Variants in NRG1 observed in about 807,000 individuals in gnomAD.
The protein encoded by NRG1 is pro-neuregulin-1, membrane-bound isoform.
A neutral mutation model predicts 63.8 loss-of-function variants in NRG1; 18 were observed. That is an observed-to-expected ratio of 0.28 (90% CI 0.19 to 0.42). The LOEUF is 0.42. Among genes scored for constraint, NRG1 ranks in the 10% least tolerant of loss-of-function variants. NRG1 has a pLI of 1.00. For missense variants in NRG1, 762 were observed against 814.7 expected (o/e 0.94, Z 0.79); for synonymous variants, 302 against 301.3 (o/e 1.00, Z -0.02).
chr8:32,004,734 A>G (rs964825151), intron 1 of NRG1, among the ~76,000 whole-genome samples: 1 of 151,968 alleles, frequency 6.6e-6, no homozygotes, highest in Admixed American at 6.6e-5. Context: ...CAAAAGAGAA[A>G]AAGCATACAC....
intron 1 of NRG1, among the ~76,000 whole-genome samples, chr8:32,581,444 T>A (rs1038840487): frequency 6.6e-6 from 1 of 152,166 alleles, no homozygotes; most frequent in African/African-American, 2.4e-5. Context: ...TGATATGGAG[T>A]GTTTGAATCA....
At chr8:32,185,612 T>G (rs1841893900) in intron 1 of NRG1, among the ~76,000 whole-genome samples, 1 of 152,180 alleles carries the variant, frequency 6.6e-6, no homozygotes, top group African/African-American at 2.4e-5. Flanking sequence ...CTAAATGATG[T>G]GTCCACCATC....
intron 1 of NRG1, among the ~76,000 whole-genome samples, chr8:32,361,258 A>G (rs1156705941): frequency 6.6e-6 from 1 of 152,116 alleles, no homozygotes; most frequent in Non-Finnish European, 1.5e-5. Flanking sequence ...GCCACATCAG[A>G]GTATTATATT....
At chr8:32,088,239 T>C (rs542730461) in intron 1 of NRG1, among the ~76,000 whole-genome samples, 1 of 152,290 alleles carries the variant, frequency 6.6e-6, no homozygotes, top group South Asian at 2.1e-4. Context: ...GAACTATATC[T>C]TCCTCACTTC....
intron 1 of NRG1, among the ~76,000 whole-genome samples, chr8:32,470,812 T>C (rs1037237974): frequency 2.0e-5 from 3 of 152,050 alleles, no homozygotes; most frequent in Admixed American, 6.5e-5. Flanking sequence ...TTTTTTTTTT[T>C]CTTCTTCAGT....
chr8:31,898,363 G>A (rs559269822), intron 1 of NRG1, among the ~76,000 whole-genome samples: 3 of 152,248 alleles, frequency 2.0e-5, no homozygotes, highest in African/African-American at 4.8e-5. Context: ...ATATTATTGT[G>A]TAATTCTCAG....
chr8:32,074,164 G>A (rs1826160613), intron 1 of NRG1, among the ~76,000 whole-genome samples: 1 of 152,118 alleles, frequency 6.6e-6, no homozygotes, highest in Admixed American at 6.6e-5. Context: ...ATTAATTTCT[G>A]TGATGGCTTC....
At chr8:32,003,599 C>A (rs1332738741) in intron 1 of NRG1, among the ~76,000 whole-genome samples, 2 of 151,650 alleles carry the variant, frequency 1.3e-5, no homozygotes, top group African/African-American at 4.8e-5. Flanking sequence ...ATACAAGAAG[C>A]ATTAAAAAAT....
In NRG1 at chr8:32,565,626, C is replaced by A. The variant is rs372561953; in HGVS notation, c.100+16800C>A. The stretch of plus-strand genomic sequence containing the variant: ...TTTTCATTTCAAGGACTGTTTTCCC[C>A]CCTAAACCTAGCAGTTTTATTTGGT... On this transcript the variant is annotated intron_variant, in intron 1 of 11. Coordinates refer to ENST00000356819, the Ensembl canonical transcript of NRG1. Among the ~76,000 whole-genome samples the A allele has an allele frequency of 1.1e-3, 160 of 152,322 alleles. 1 individual carries two copies. Among genetic ancestry groups the A allele is most frequent in the South Asian group, 3.9e-3 (19 of 4,826 alleles).
intron 1 of NRG1, chr8:32,026,319 A>G (rs1480499608): frequency 6.6e-6 from 1 of 152,080 alleles, no homozygotes; most frequent in Non-Finnish European, 1.5e-5. Flanking sequence ...GCTACTTTCC[A>G]TTCTTGAATT....
At chr8:32,526,010 G>A (rs1163648351) in intron 1 of NRG1, among the ~76,000 whole-genome samples, 1 of 152,016 alleles carries the variant, frequency 6.6e-6, no homozygotes, top group Admixed American at 6.6e-5. Flanking sequence ...ATTTCAAAAG[G>A]CGTACTAGTT....
At chr8:32,748,358 CAGAGAGAG>C (rs34657847) in intron 7 of NRG1, among the ~76,000 whole-genome samples, 3,884 of 122,024 alleles carry the variant, frequency 0.032, 224 homozygotes, top group East Asian at 0.24. Context: ...CACACACACA[CAGAGAGAG>C]AGAGAGAGAG....
At chr8:31,923,700 T>G (rs556336851) in intron 1 of NRG1, among the ~76,000 whole-genome samples, 2 of 152,154 alleles carry the variant, frequency 1.3e-5, no homozygotes, top group African/African-American at 4.8e-5. Context: ...TCTTTTTTTT[T>G]AATGTGTTGT....
chr8:32,053,751 G>C lies in NRG1; in HGVS notation c.37+414320G>C, dbSNP rs191565872. On this transcript the variant is annotated intron_variant, in intron 1 of 10. Transcript: ENST00000519301. Reference sequence around the variant, plus strand: ...ATACATGAGCAAAAAGAATGATGAGGAGTCATGGTGAGCAGAAGCTCTCTT... The same window carrying C: ...ATACATGAGCAAAAAGAATGATGAGCAGTCATGGTGAGCAGAAGCTCTCTT... Among the ~76,000 whole-genome samples, 135 of 152,254 alleles carry C rather than the reference G, an allele frequency of 8.9e-4. 1 individual carries two copies. Among genetic ancestry groups the C allele is most frequent in the Middle Eastern group, 6.8e-3 (2 of 292 alleles).
In NRG1 at chr8:31,882,458, C is replaced by T. The variant is rs547093634; in HGVS notation, c.37+243027C>T. On this transcript the variant is annotated intron_variant, in intron 1 of 10. Coordinates refer to the NRG1 transcript ENST00000519301. ...TGAACGTTGTTTTCATGCCTACTAA[C>T]ACAACATCCATTCTGTAGCTCCTGG... Among the ~76,000 whole-genome samples the T allele has an allele frequency of 2.0e-5, 3 of 151,588 alleles. No individual in the cohort carries two copies. In the East Asian group the frequency reaches 5.8e-4, roughly 29 times the overall value.
At chr8:32,694,336 G>C (rs1230292730) in intron 5 of NRG1, among the ~76,000 whole-genome samples, 1 of 152,102 alleles carries the variant, frequency 6.6e-6, no homozygotes, top group Non-Finnish European at 1.5e-5. Flanking sequence ...ATAGATAAGT[G>C]TTCCAATTTA....
chr8:32,475,196 C>T (rs1392310910), intron 1 of NRG1, among the ~76,000 whole-genome samples: 1 of 152,026 alleles, frequency 6.6e-6, no homozygotes, highest in Non-Finnish European at 1.5e-5. Context: ...GCCAGGCACG[C>T]TGGCTCACGC....
chr8:31,924,577 G>GTTC (rs1834179190), intron 1 of NRG1, among the ~76,000 whole-genome samples: 1 of 142,852 alleles, frequency 7.0e-6, no homozygotes, highest in South Asian at 2.2e-4. Context: ...CCTTGTTGAT[G>GTTC]TTCTCTATTG....
intron 1 of NRG1, among the ~76,000 whole-genome samples, chr8:31,697,366 T>C (rs150619100): frequency 6.5e-4 from 99 of 152,308 alleles, no homozygotes; most frequent in Middle Eastern, 6.8e-3. Context: ...TGGGCTACCA[T>C]TTCAATTAGT....
Sources: gnomAD v4.1 joint callset for allele counts (sites outside exome capture counted in the v4.1 genomes callset) on GRCh38, gnomAD v4.1.1 for gene constraint, MANE v1.5 for transcripts, NCBI Gene and HGNC (gene_info 2026-07-23, HGNC 2026-07-21) for gene names.